Variants in C10orf143 observed in about 807,000 individuals in gnomAD.
C10orf143 encodes uncharacterized protein C10orf143.
chr10:130,038,760 T>C (rs1860573099), intron 3 of C10orf143, among the ~76,000 whole-genome samples: 1 of 152,134 alleles, frequency 6.6e-6, no homozygotes, highest in Non-Finnish European at 1.5e-5. Flanking sequence ...AATTATCATC[T>C]GCTGGCCCTG....
At chr10:130,110,537 AC>A (rs1861746915) in intron 1 of C10orf143, among the ~76,000 whole-genome samples, 166 bp downstream of exon 1, 1 of 140,930 alleles carries the variant, frequency 7.1e-6, no homozygotes, top group Admixed American at 6.8e-5. Flanking sequence ...CTAACAGGCC[AC>A]GCCCATCACT....
chr10:130,098,414 G>A (rs1203852318), intron 1 of C10orf143, among the ~76,000 whole-genome samples: 1 of 152,216 alleles, frequency 6.6e-6, no homozygotes, highest in Non-Finnish European at 1.5e-5. Context: ...GCTATGTGAT[G>A]ATAATGAAGG....
At chr10:130,063,179 C>A (rs1032473400), downstream of C10orf143, among the ~76,000 whole-genome samples, 1 of 152,138 alleles carries the variant, frequency 6.6e-6, no homozygotes, top group Non-Finnish European at 1.5e-5. Context: ...ACGCGTGCCA[C>A]GTCAGCTACA....
chr10:130,043,728 G>T (rs1260364359), intron 3 of C10orf143, among the ~76,000 whole-genome samples: 1 of 152,218 alleles, frequency 6.6e-6, no homozygotes, highest in South Asian at 2.1e-4. Context: ...TCTTCCAGAA[G>T]TTGAAGCATC....
chr10:130,088,445 T>C (rs1365779353), intron 1 of C10orf143, among the ~76,000 whole-genome samples: 3 of 152,208 alleles, frequency 2.0e-5, no homozygotes, highest in Admixed American at 6.5e-5. Context: ...GTAATGCAAT[T>C]AATAAGTCCA....
chr10:130,079,497 G>A lies in C10orf143; in HGVS notation c.297+69C>T, dbSNP rs1358520551. 69 of 398,510 alleles carry A rather than the reference G, an allele frequency of 1.7e-4. No homozygotes were observed. The East Asian group carries it at 2.5e-3, about 14-fold the overall frequency. 24.7% of individuals were successfully genotyped at this position (398,510 alleles called of 1,614,324 possible). Reference sequence around the variant, plus strand: ...CATAATTGCAGTTTTTATTAACTTTGTTTTATGGATCTAATATTTAAGAAG... The same window carrying A: ...CATAATTGCAGTTTTTATTAACTTTATTTTATGGATCTAATATTTAAGAAG... On this transcript the variant is annotated intron_variant, in intron 3 of 3. Coordinates refer to ENST00000637128, the MANE Select transcript of C10orf143 (RefSeq NM_001355042.2).
intron 1 of C10orf143, among the ~76,000 whole-genome samples, chr10:130,087,070 A>G (rs1861302349): frequency 6.6e-6 from 1 of 152,212 alleles, no homozygotes; most frequent in Non-Finnish European, 1.5e-5. Flanking sequence ...TGTGAGGATG[A>G]CATCTCAGTG....
intron 1 of C10orf143, among the ~76,000 whole-genome samples, chr10:130,090,236 T>C (rs1376496783): frequency 1.3e-5 from 2 of 152,012 alleles, no homozygotes; most frequent in African/African-American, 2.4e-5. Context: ...TTGGGACTAG[T>C]TATACAGTGG....
chr10:130,053,306 C>T (rs914860247), intron 3 of C10orf143, among the ~76,000 whole-genome samples: 2 of 152,184 alleles, frequency 1.3e-5, no homozygotes, highest in African/African-American at 2.4e-5. Flanking sequence ...CACATGACCT[C>T]GTGATCCGCC....
At chr10:130,059,847 AC>A (rs1860835286), downstream of C10orf143, among the ~76,000 whole-genome samples, 1 of 152,192 alleles carries the variant, frequency 6.6e-6, no homozygotes, top group Non-Finnish European at 1.5e-5. Flanking sequence ...ACAAAACAAA[AC>A]AAAATCATCA....
At chr10:130,096,125 T>C (rs986748225) in intron 1 of C10orf143, among the ~76,000 whole-genome samples, 1 of 151,794 alleles carries the variant, frequency 6.6e-6, no homozygotes, top group Non-Finnish European at 1.5e-5. Flanking sequence ...CATCAGAAAG[T>C]GGGTAAAGGA....
In C10orf143 at chr10:130,045,131, G is replaced by A. The variant is rs964551223; in HGVS notation, c.298-9161C>T. 2.6e-4 allele frequency among the ~76,000 whole-genome samples: 40 copies of A among 152,324 alleles called. 1 individual carries two copies. Among genetic ancestry groups the A allele is most frequent in the Admixed American group, 3.9e-4 (6 of 15,308 alleles). Reference sequence around the variant, plus strand: ...AACCCACCCCATGGAGAAAGTTTAGGACCTGACCCAGCGTGGGTCTGGCTT... The same window carrying A: ...AACCCACCCCATGGAGAAAGTTTAGAACCTGACCCAGCGTGGGTCTGGCTT... On this transcript the variant is annotated intron_variant and NMD_transcript_variant, in intron 3 of 5. Coordinates refer to the C10orf143 transcript ENST00000643056.
intron 1 of C10orf143, among the ~76,000 whole-genome samples, chr10:130,083,384 C>A (rs1425297969): frequency 6.6e-6 from 1 of 152,118 alleles, no homozygotes. Context: ...TTTTTTAACC[C>A]AGCAATTACA....
intron 3 of C10orf143, among the ~76,000 whole-genome samples, chr10:130,046,543 C>T (rs1860675233): frequency 2.6e-5 from 4 of 152,288 alleles, no homozygotes; most frequent in African/African-American, 9.6e-5. Flanking sequence ...GTGTTTTCCC[C>T]GAGGAGTTAT....
At chr10:130,062,522 A>G (rs1860868179), downstream of C10orf143, among the ~76,000 whole-genome samples, 1 of 152,184 alleles carries the variant, frequency 6.6e-6, no homozygotes, top group Non-Finnish European at 1.5e-5. Context: ...GCCCTTGAAC[A>G]TCGAACTCCA....
rs558716819 is a variant in C10orf143, at chr10:130,082,178, ATCT to A, written c.70-2280_70-2278del. Among the ~76,000 whole-genome samples the A allele has an allele frequency of 1.8e-3, 277 of 151,976 alleles. 2 individuals carry two copies. The South Asian group carries it at 0.019, about 10-fold the overall frequency. ...TGGACTTTTTATACATACATATATG[ATCT>A]TCTTTTTTTTTTTAGAGATGAGGTC... On this transcript the variant is annotated intron_variant, in intron 1 of 3. Transcript: ENST00000637128.
chr10:130,062,391 T>C (rs1223545326), downstream of C10orf143, among the ~76,000 whole-genome samples: 1 of 152,158 alleles, frequency 6.6e-6, no homozygotes, highest in African/African-American at 2.4e-5. Flanking sequence ...ACCCTCAATC[T>C]GGGTGGGTAC....
intron 1 of C10orf143, chr10:130,107,878 A>G: frequency 2.3e-6 from 3 of 1,277,250 alleles, no homozygotes; most frequent in South Asian, 1.2e-5. Context: ...CAGCGCAATC[A>G]TATCTTGATT....
At chr10:130,091,179 G>T (rs371220613) in intron 1 of C10orf143, among the ~76,000 whole-genome samples, 1 of 152,316 alleles carries the variant, frequency 6.6e-6, no homozygotes, top group Admixed American at 6.5e-5. Context: ...GCTCCAGCTG[G>T]CATCTGGCAG....
Sources: gnomAD v4.1 joint callset for allele counts (sites outside exome capture counted in the v4.1 genomes callset) on GRCh38, gnomAD v4.1.1 for gene constraint, MANE v1.5 for transcripts, NCBI Gene and HGNC (gene_info 2026-07-23, HGNC 2026-07-21) for gene names.